KMO: variants seen among roughly 807,000 people sequenced by gnomAD.
KMO encodes kynurenine 3-hydroxylase.
In KMO, 24 loss-of-function variants were observed where a neutral mutation model predicts 57.8. That is an observed-to-expected ratio of 0.42 (90% CI 0.30 to 0.58). KMO has a LOEUF of 0.58. Ranked by LOEUF, KMO falls within the 20% of genes least tolerant of loss-of-function variation. KMO has a pLI of 0.22. For synonymous variants in KMO, 210 were observed against 193.6 expected (o/e 1.08, Z -0.70); for missense variants, 483 against 588.2 (o/e 0.82, Z 1.85).
chr1:241,573,645 T>C (rs967912435), intron 10 of KMO, among the ~76,000 whole-genome samples: 13 of 152,150 alleles, frequency 8.5e-5, no homozygotes, highest in African/African-American at 2.4e-4. Flanking sequence ...TGTCTACTTG[T>C]ATATCAATAC....
chr1:241,543,303 C>A (rs1335370204), intron 1 of KMO, among the ~76,000 whole-genome samples: 2 of 152,118 alleles, frequency 1.3e-5, no homozygotes, highest in African/African-American at 4.8e-5. Flanking sequence ...ATATTTATCT[C>A]ATGTATACAC....
At chr1:241,563,123 T>G (rs1661939595) in intron 7 of KMO, among the ~76,000 whole-genome samples, 1 of 152,224 alleles carries the variant, frequency 6.6e-6, no homozygotes, top group Non-Finnish European at 1.5e-5. Context: ...TAATAGTTAT[T>G]AAATAAAATG....
chr1:241,575,966 A>G (rs1423555418), intron 10 of KMO, among the ~76,000 whole-genome samples: 1 of 150,054 alleles, frequency 6.7e-6, no homozygotes, highest in African/African-American at 2.4e-5. Context: ...TAAGTTTAGG[A>G]TTGTAATATC....
rs1663432440 is a variant in KMO at position 241,594,425 on chromosome 1, T to C, written c.*2272T>C. The C allele has an allele frequency of 1.2e-6, 2 of 1,609,768 alleles. No homozygotes were observed. Among genetic ancestry groups the C allele is most frequent in the African/African-American group, 1.3e-5 (1 of 74,820 alleles). Reference sequence around the variant, plus strand: ...CCCCATCTTTCGTTGCCATTCTTCATTCCTACAAAGGACGAACTTGGATTA... The same window carrying C: ...CCCCATCTTTCGTTGCCATTCTTCACTCCTACAAAGGACGAACTTGGATTA... On this transcript the variant is annotated 3_prime_UTR_variant, in exon 15 of 15. Transcript: ENST00000366559.
At chr1:241,566,351 C>A in intron 8 of KMO, 140 bp from the exon 9 acceptor site, 1 of 886,060 alleles carries the variant, frequency 1.1e-6, no homozygotes, top group Non-Finnish European at 1.7e-6. Context: ...AACAAAGTGA[C>A]AGTGCCTTTC....
intron 1 of KMO, among the ~76,000 whole-genome samples, chr1:241,537,241 C>A (rs1428122155): frequency 1.3e-5 from 2 of 152,138 alleles, no homozygotes; most frequent in African/African-American, 2.4e-5. Context: ...TCACAGATCT[C>A]TAGCTTTGTT....
At chr1:241,587,211 C>T (rs1170457073) in intron 11 of KMO, among the ~76,000 whole-genome samples, 5 of 152,198 alleles carry the variant, frequency 3.3e-5, no homozygotes, top group African/African-American at 4.8e-5. Flanking sequence ...TCATAAGGAG[C>T]GTGCAAGCTA....
At chr1:241,555,331 C>T (rs926763032) in intron 4 of KMO, among the ~76,000 whole-genome samples, 6 of 152,114 alleles carry the variant, frequency 3.9e-5, no homozygotes, top group Admixed American at 3.9e-4. Flanking sequence ...ACAGAACTCT[C>T]TTGATGAAAA....
At chr1:241,548,057 C>T (rs998256740) in intron 1 of KMO, among the ~76,000 whole-genome samples, 1 of 147,012 alleles carries the variant, frequency 6.8e-6, no homozygotes, top group Non-Finnish European at 1.5e-5. Context: ...CACAATGTTG[C>T]CTTAGAGAAG....
At chr1:241,544,259 A>T (rs1204885333) in intron 1 of KMO, among the ~76,000 whole-genome samples, 1 of 152,196 alleles carries the variant, frequency 6.6e-6, no homozygotes, top group African/African-American at 2.4e-5. Context: ...AGAGAGACTC[A>T]TTTCTATTAG....
At chr1:241,577,226 C>A (rs941784314) in intron 10 of KMO, among the ~76,000 whole-genome samples, 1 of 151,998 alleles carries the variant, frequency 6.6e-6, no homozygotes, top group African/African-American at 2.4e-5. Flanking sequence ...ACATCTTTAT[C>A]TGGTATTTCA....
intron 10 of KMO, among the ~76,000 whole-genome samples, chr1:241,578,088 C>G (rs1662598964): frequency 6.6e-6 from 1 of 152,114 alleles, no homozygotes; most frequent in Non-Finnish European, 1.5e-5. Context: ...AGGGGTGCTC[C>G]CTCATGTGGG....
chr1:241,593,675 A>G lies in KMO; in HGVS notation c.*1522A>G, dbSNP rs1440350318. On this transcript the variant is annotated 3_prime_UTR_variant, in exon 15 of 15. Coordinates refer to ENST00000366559, the MANE Select transcript of KMO (RefSeq NM_003679.5). ...TATATGTGGGAAATACAGGGGAATG[A>G]GCAAATCTCAAAGAGCTGGCGTCTT... 5.9e-6 allele frequency: 1 copy of G among 168,196 alleles called. No homozygotes were observed. Among genetic ancestry groups the G allele is most frequent in the South Asian group, 1.4e-4 (1 of 7,110 alleles). The allele number at this position is 168,196 out of a possible 1,614,324, so 10.4% of individuals were successfully genotyped here.
At chr1:241,556,144 A>T (rs1375043305) in intron 5 of KMO, among the ~76,000 whole-genome samples, 1 of 152,108 alleles carries the variant, frequency 6.6e-6, no homozygotes, top group Admixed American at 6.5e-5. Flanking sequence ...TCAATTGCCT[A>T]AAGTTTTTAG....
Position 241,539,383 on chromosome 1 carries a change from C to CAAAAAAAAAAAAAAAAAAAAAAA in KMO, c.54+6892_54+6893insAAAAAAAAAAAAAAAAAAAAAAA, listed in dbSNP as rs769776691. On this transcript the variant is annotated intron_variant, in intron 1 of 14. Coordinates refer to ENST00000366559, the MANE Select transcript of KMO (RefSeq NM_003679.5). The stretch of plus-strand genomic sequence containing the variant: ...TGGGCAACGGAGTGAGACTCCGTCT[C>CAAAAAAAAAAAAAAAAAAAAAAA]AAAAAAATTCCAGAAAGCAGCAATA... 2.0e-4 allele frequency among the ~76,000 whole-genome samples: 27 copies of CAAAAAAAAAAAAAAAAAAAAAAA among 134,772 alleles called. No individual in the cohort carries two copies. The East Asian group carries it at 2.1e-3, about 11-fold the overall frequency. 88.4% of individuals were successfully genotyped at this position (134,772 alleles called of 152,430 possible).
intron 14 of KMO, among the ~76,000 whole-genome samples, chr1:241,591,484 C>T (rs1663299183): frequency 6.6e-6 from 1 of 151,902 alleles, no homozygotes; most frequent in Admixed American, 6.6e-5. Flanking sequence ...CTGACTCAGG[C>T]TGGAATGAGC....
intron 1 of KMO, among the ~76,000 whole-genome samples, chr1:241,545,358 G>T (rs1661106135): frequency 6.6e-6 from 1 of 152,138 alleles, no homozygotes; most frequent in African/African-American, 2.4e-5. Context: ...AAACCAGGTA[G>T]CTTAAGAAAC....
chr1:241,533,879 A>G (rs959810962), intron 1 of KMO, among the ~76,000 whole-genome samples: 2 of 152,230 alleles, frequency 1.3e-5, no homozygotes, highest in Non-Finnish European at 2.9e-5. Context: ...CTGAATGATC[A>G]GATAGAACTA....
chr1:241,562,036 C>CT (rs1471623141), intron 6 of KMO, 131 bp from the exon 7 acceptor site: 1 of 702,064 alleles, frequency 1.4e-6, no homozygotes, highest in Non-Finnish European at 2.3e-6. Flanking sequence ...TAACTCAAAG[C>CT]TCCAAGTCAA....
Sources: gnomAD v4.1 joint callset for allele counts (sites outside exome capture counted in the v4.1 genomes callset) on GRCh38, gnomAD v4.1.1 for gene constraint, MANE v1.5 for transcripts, NCBI Gene and HGNC (gene_info 2026-07-23, HGNC 2026-07-21) for gene names.